The following KSR2 variants were observed in gnomAD, a reference collection of about 807,000 sequenced individuals.
KSR2 encodes kinase suppressor of ras 2.
Under a neutral mutation model 107.8 loss-of-function variants are expected in KSR2, and 25 were observed. The ratio of observed to expected loss-of-function variants is 0.23; its 90% CI spans 0.17 to 0.32. The LOEUF (loss-of-function observed/expected upper bound fraction) is 0.32. Ranked by LOEUF, KSR2 falls within the 10% of genes least tolerant of loss-of-function variation. The pLI, the probability that KSR2 is intolerant of heterozygous loss-of-function variation, is 1.00. For missense variants in KSR2, 887 were observed against 1,268.9 expected (o/e 0.70, Z 4.57); for synonymous variants, 480 against 507.0 (o/e 0.95, Z 0.71).
intron 1 of KSR2, among the ~76,000 whole-genome samples, chr12:117,960,320 A>T (rs1354336864): frequency 6.6e-6 from 1 of 152,112 alleles, no homozygotes; most frequent in Non-Finnish European, 1.5e-5. Flanking sequence ...AATAAACCAC[A>T]CCTCCTGGAA....
intron 5 of KSR2, among the ~76,000 whole-genome samples, chr12:117,662,373 TTTA>T (rs1464348390): frequency 6.6e-6 from 1 of 152,182 alleles, no homozygotes; most frequent in Non-Finnish European, 1.5e-5. Flanking sequence ...CCTGAGTCTC[TTTA>T]TAACCCTTCC....
intron 5 of KSR2, among the ~76,000 whole-genome samples, chr12:117,616,425 C>A (rs1346813065): frequency 3.3e-5 from 5 of 152,304 alleles, no homozygotes; most frequent in African/African-American, 1.2e-4. Flanking sequence ...GGCTACAGAA[C>A]TTGGGATGCT....
chr12:117,926,658 G>A (rs1344560949), intron 1 of KSR2, among the ~76,000 whole-genome samples: 1 of 152,208 alleles, frequency 6.6e-6, no homozygotes, highest in African/African-American at 2.4e-5. Flanking sequence ...AGCCACCAGC[G>A]GTGACAGCCC....
At chr12:117,936,768 A>C (rs565929923) in intron 1 of KSR2, among the ~76,000 whole-genome samples, 3 of 152,288 alleles carry the variant, frequency 2.0e-5, no homozygotes, top group African/African-American at 7.2e-5. Flanking sequence ...CTACAAGAGC[A>C]CAGGGCTCTT....
intron 10 of KSR2, among the ~76,000 whole-genome samples, chr12:117,533,087 C>A (rs1169545127): frequency 6.6e-6 from 1 of 152,084 alleles, no homozygotes; most frequent in African/African-American, 2.4e-5. Flanking sequence ...GGGCAAGGAC[C>A]ATCATTACGA....
At chr12:117,535,420 G>C (rs1459604696) in intron 10 of KSR2, among the ~76,000 whole-genome samples, 1 of 152,138 alleles carries the variant, frequency 6.6e-6, no homozygotes. Flanking sequence ...ACCAGATCAT[G>C]GCACAGAGTG....
At chr12:117,482,984 G>T (rs970832115) in intron 16 of KSR2, among the ~76,000 whole-genome samples, 1 of 152,224 alleles carries the variant, frequency 6.6e-6, no homozygotes, top group African/African-American at 2.4e-5. Context: ...ACTGGGAAGG[G>T]TATGAGTTCC....
At chr12:117,682,187 ATG>A (rs922428025) in intron 4 of KSR2, among the ~76,000 whole-genome samples, 4 of 152,156 alleles carry the variant, frequency 2.6e-5, no homozygotes, top group African/African-American at 7.2e-5. Context: ...CAAACACCAC[ATG>A]TTATCACTTA....
Position 117,868,435 on chromosome 12 carries a change from A to AT in KSR2, c.181-8005_181-8004insA, listed in dbSNP as rs1305741170. On this transcript the variant is annotated intron_variant, in intron 1 of 19. Transcript: ENST00000339824. ...AAGACTCTGTCTCAAAAAAAAAAAA[A>AT]ATTAAAAAGAAAAAACAATAAAAAT... is the stretch of plus-strand genomic sequence containing the variant. Among the ~76,000 whole-genome samples, 42 of 151,972 alleles carry AT rather than the reference A, an allele frequency of 2.8e-4. 1 individual carries two copies. In the East Asian group the frequency reaches 7.8e-3, roughly 28 times the overall value.
At chr12:117,933,746 A>G (rs1895759391) in intron 1 of KSR2, among the ~76,000 whole-genome samples, 2 of 152,188 alleles carry the variant, frequency 1.3e-5, no homozygotes, top group African/African-American at 4.8e-5. Flanking sequence ...GCGGGGCCAC[A>G]GTTTCCCAAG....
chr12:117,796,117 G>T (rs931182332), intron 3 of KSR2, among the ~76,000 whole-genome samples: 16 of 138,858 alleles, frequency 1.2e-4, no homozygotes, highest in Admixed American at 8.9e-4. Flanking sequence ...TTGTAGAGAT[G>T]GGGGAGTCTC....
intron 3 of KSR2, among the ~76,000 whole-genome samples, chr12:117,822,161 A>G (rs1193487960): frequency 6.6e-6 from 1 of 152,222 alleles, no homozygotes; most frequent in East Asian, 1.9e-4. Flanking sequence ...GGAGGCATGA[A>G]TAATCCACCC....
At chr12:117,770,846 G>A (rs780626789) in intron 3 of KSR2, among the ~76,000 whole-genome samples, 13 of 151,678 alleles carry the variant, frequency 8.6e-5, no homozygotes, top group Non-Finnish European at 5.9e-5. Context: ...GCATGGTGGC[G>A]GGCGCCTATA....
In KSR2 at chr12:117,665,436, AG is replaced by A. The variant is rs573900967; in HGVS notation, c.1171+2037del. Reference sequence around the variant, plus strand: ...GTGCAGAGCAGTGGCCAACCCCTGGAGGGGGCCCGGCTGACATTCACTCATA... The same window carrying A: ...GTGCAGAGCAGTGGCCAACCCCTGGAGGGGCCCGGCTGACATTCACTCATA... On this transcript the variant is annotated intron_variant, in intron 5 of 19. Transcript: ENST00000339824. 1.2e-3 allele frequency among the ~76,000 whole-genome samples: 178 copies of A among 152,234 alleles called. 2 individuals are homozygous for A. Among genetic ancestry groups the A allele is most frequent in the African/African-American group, 4.2e-3 (174 of 41,530 alleles).
At chr12:117,567,407 G>A (rs1038205480) in intron 7 of KSR2, among the ~76,000 whole-genome samples, 5 of 152,084 alleles carry the variant, frequency 3.3e-5, no homozygotes, top group African/African-American at 7.2e-5. Flanking sequence ...GGAGAGATGC[G>A]AGGGGACAGA....
intron 14 of KSR2, among the ~76,000 whole-genome samples, chr12:117,503,499 C>G (rs1420256776): frequency 2.0e-5 from 3 of 152,128 alleles, no homozygotes; most frequent in Non-Finnish European, 4.4e-5. Context: ...CCACCCACGA[C>G]CAAGGAGGCT....
intron 3 of KSR2, among the ~76,000 whole-genome samples, chr12:117,766,770 C>T (rs1889243288): frequency 6.6e-6 from 1 of 150,744 alleles, no homozygotes; most frequent in Admixed American, 6.7e-5. Flanking sequence ...AGGTGGGTGA[C>T]AGCAGAAGGA....
chr12:117,876,616 G>A lies in KSR2; in HGVS notation c.181-16185C>T, dbSNP rs11068709. 0.029 allele frequency among the ~76,000 whole-genome samples: 4,481 copies of A among 152,032 alleles called. 377 individuals carry two copies. In the East Asian group the frequency reaches 0.29, roughly 10 times the overall value. On this transcript the variant is annotated intron_variant, in intron 1 of 19. Coordinates refer to ENST00000339824, the MANE Select transcript of KSR2 (RefSeq NM_173598.6). ...TCCAGTAGTAATAACTTCCTTACAC[G>A]ATCCTTATAATTTTAACATTTACAC... is the stretch of plus-strand genomic sequence containing the variant.
chr12:117,704,198 C>T (rs897751849), intron 4 of KSR2, among the ~76,000 whole-genome samples: 2 of 152,024 alleles, frequency 1.3e-5, no homozygotes, highest in Admixed American at 6.6e-5. Context: ...AAAAGTCTTT[C>T]GTATCAACAG....
Sources: gnomAD v4.1 joint callset for allele counts (sites outside exome capture counted in the v4.1 genomes callset) on GRCh38, gnomAD v4.1.1 for gene constraint, MANE v1.5 for transcripts, NCBI Gene and HGNC (gene_info 2026-07-23, HGNC 2026-07-21) for gene names.